PECR: variants seen among roughly 807,000 people sequenced by gnomAD.
PECR encodes the protein 2,4-dienoyl-CoA reductase-related protein.
PECR carries 30 observed loss-of-function variants against 35.3 expected under a neutral mutation model. The ratio of observed to expected loss-of-function variants is 0.85; its 90% CI spans 0.64 to 1.15. PECR has a LOEUF of 1.15. Among genes scored for constraint, PECR ranks in the 50% most tolerant of loss-of-function variants. The pLI, the probability that PECR is intolerant of heterozygous loss-of-function variation, is 0.00. For missense variants in PECR, 392 were observed against 370.8 expected (o/e 1.06, Z -0.47); for synonymous variants, 148 against 138.9 (o/e 1.07, Z -0.46).
chr2:216,039,133 T>C lies in PECR; in HGVS notation c.*142A>G, dbSNP rs1694845968. On this transcript the variant is annotated 3_prime_UTR_variant, in exon 8 of 8. Transcript: ENST00000265322. ...CATAAGACTGTATATATTTCAGGAATAGTTTTTCCATAGATATAATTAATA... is the reference window on the plus strand; with the variant it reads ...CATAAGACTGTATATATTTCAGGAACAGTTTTTCCATAGATATAATTAATA... 1.6e-6 allele frequency: 1 copy of C among 644,188 alleles called. No homozygotes were observed. Among genetic ancestry groups the C allele is most frequent in the Non-Finnish European group, 2.8e-6 (1 of 355,000 alleles). The allele number at this position is 644,188 out of a possible 1,614,324, so 39.9% of individuals were successfully genotyped here.
intron 5 of PECR, among the ~76,000 whole-genome samples, chr2:216,050,635 G>A (rs2105949865): frequency 6.6e-6 from 1 of 152,334 alleles, no homozygotes; most frequent in South Asian, 2.1e-4. Context: ...GGGCGCAGTG[G>A]CTCACGCCTG....
At chr2:216,072,534 C>A (rs1695610799) in intron 1 of PECR, among the ~76,000 whole-genome samples, 2 of 152,298 alleles carry the variant, frequency 1.3e-5, no homozygotes, top group Admixed American at 1.3e-4. Flanking sequence ...ACCCTCCCAC[C>A]TTTTAGAGTC....
chr2:216,054,371 CTTT>C (rs34214360), intron 4 of PECR, among the ~76,000 whole-genome samples: 61 of 102,768 alleles, frequency 5.9e-4, no homozygotes, highest in Non-Finnish European at 9.3e-4. Context: ...TTTTTTCTTT[CTTT>C]TTTTTTTTTT....
At chr2:216,046,989 C>T (rs985205772) in intron 6 of PECR, among the ~76,000 whole-genome samples, 5 of 152,026 alleles carry the variant, frequency 3.3e-5, no homozygotes, top group African/African-American at 1.2e-4. Flanking sequence ...ATAAATAGGC[C>T]AGGCGTGGTA....
Position 216,039,329 on chromosome 2 carries a change from G to GT in PECR, c.857dup (p.Asp286GlufsTer13). The GT allele has an allele frequency of 6.2e-7, 1 of 1,608,880 alleles. No individual in the cohort carries two copies. Among genetic ancestry groups the GT allele is most frequent in the African/African-American group, 1.3e-5 (1 of 74,908 alleles). On this transcript the variant is annotated frameshift_variant, in exon 8 of 8. Coordinates refer to ENST00000265322, the MANE Select transcript of PECR (RefSeq NM_018441.6). LOFTEE classifies it low-confidence loss of function (END_TRUNC). The stretch of plus-strand genomic sequence containing the variant: ...CCTTCATCTTTTTGACAACAGAAAG[G>GT]TCCCCTGCTCCCTTGGGCCAGTTGT...
chr2:216,046,180 C>G (rs1443948679), intron 6 of PECR, among the ~76,000 whole-genome samples: 1 of 148,542 alleles, frequency 6.7e-6, no homozygotes, highest in African/African-American at 2.5e-5. Flanking sequence ...TTAACATGTA[C>G]TCCTTTATTA....
chr2:216,055,437 C>CA (rs11288394), intron 4 of PECR, among the ~76,000 whole-genome samples: 27 of 137,786 alleles, frequency 2.0e-4, no homozygotes, highest in Middle Eastern at 3.8e-3. Context: ...AATTCCATCT[C>CA]AAAAAAAAAA....
downstream of PECR, among the ~76,000 whole-genome samples, chr2:216,037,774 C>G (rs1399363013): frequency 6.6e-6 from 1 of 152,108 alleles, no homozygotes; most frequent in African/African-American, 2.4e-5. Flanking sequence ...CTTGGTAACT[C>G]ACACACTTTA....
intron 6 of PECR, among the ~76,000 whole-genome samples, chr2:216,045,659 G>C (rs1694975398): frequency 6.6e-6 from 1 of 152,230 alleles, no homozygotes; most frequent in Non-Finnish European, 1.5e-5. Context: ...CCACATTACT[G>C]TGAAAAGGCA....
In PECR at chr2:216,051,481, A is replaced by C. The variant is rs1695114472; in HGVS notation, c.571T>G (p.Cys191Gly). ...LTKSLALEWA[C>G]SGIRINCVAP... is the part of the protein sequence containing the mutation. ...ACACAATTGATCCGTATTCCACTGC[A>C]GGCCCATTCCAAAGCTAAAGATTTG... Residue 191 changes from cysteine to glycine, a missense_variant, in exon 5 of 8, where the codon TGC (cysteine) becomes GGC (glycine). By Grantham distance (159) the Cys-to-Gly change is radical (BLOSUM62 -3). Coordinates refer to ENST00000265322, the MANE Select transcript of PECR (RefSeq NM_018441.6). The C allele has an allele frequency of 6.2e-7, 1 of 1,612,082 alleles. No homozygotes were observed.
At chr2:216,071,835 TC>T (rs1420257589) in intron 1 of PECR, among the ~76,000 whole-genome samples, 6 of 152,190 alleles carry the variant, frequency 3.9e-5, no homozygotes, top group Admixed American at 3.9e-4. Flanking sequence ...CCTCTTTAGG[TC>T]CCTTCAGGTC....
At chr2:216,073,860 T>C (rs1438741788) in intron 1 of PECR, among the ~76,000 whole-genome samples, 2 of 152,230 alleles carry the variant, frequency 1.3e-5, no homozygotes, top group Non-Finnish European at 2.9e-5. Context: ...CACTCTATGA[T>C]GTTCACACTA....
chr2:216,052,986 T>C (rs140082198), intron 4 of PECR, among the ~76,000 whole-genome samples: 3,051 of 151,692 alleles, frequency 0.02, 112 homozygotes, highest in African/African-American at 0.07. Context: ...CCCGAATAGC[T>C]GGGTTTATAG....
intron 3 of PECR, among the ~76,000 whole-genome samples, chr2:216,063,489 A>G (rs890484043): frequency 6.6e-6 from 1 of 151,958 alleles, no homozygotes; most frequent in Non-Finnish European, 1.5e-5. Flanking sequence ...GTGGTGGTGA[A>G]TGCCTGTAGT....
chr2:216,061,805 T>C (rs996505256), intron 3 of PECR, among the ~76,000 whole-genome samples: 1 of 152,180 alleles, frequency 6.6e-6, no homozygotes, highest in Non-Finnish European at 1.5e-5. Context: ...ATAAGGACTA[T>C]ATAATGAGTG....
At chr2:216,034,878 C>T (rs1694768946), downstream of PECR, among the ~76,000 whole-genome samples, 1 of 152,154 alleles carries the variant, frequency 6.6e-6, no homozygotes, top group African/African-American at 2.4e-5. Context: ...ACTTCATCAC[C>T]GGCCAGCCCA....
chr2:216,075,982 T>C (rs1272119283), intron 1 of PECR, among the ~76,000 whole-genome samples: 1 of 152,230 alleles, frequency 6.6e-6, no homozygotes, highest in Non-Finnish European at 1.5e-5. Flanking sequence ...TTGACGATGC[T>C]AGGTTTTCCT....
chr2:216,070,726 T>C (rs941614477), intron 1 of PECR, among the ~76,000 whole-genome samples: 7 of 152,160 alleles, frequency 4.6e-5, no homozygotes, highest in African/African-American at 1.4e-4. Context: ...TTTGTATTTA[T>C]TGGGTAGAAA....
intron 6 of PECR, among the ~76,000 whole-genome samples, chr2:216,048,843 C>G (rs1326795399): frequency 2.7e-5 from 2 of 74,058 alleles, no homozygotes; most frequent in Non-Finnish European, 5.2e-5. Flanking sequence ...CTGTCTCAAG[C>G]AAAAAAAAAA....
Sources: allele counts gnomAD v4.1 joint callset (sites outside exome capture counted in the v4.1 genomes callset), GRCh38; gene constraint gnomAD v4.1.1; transcripts MANE v1.5; gene names NCBI Gene and HGNC (gene_info 2026-07-23, HGNC 2026-07-21).